Variants in BLVRA observed in about 807,000 individuals in gnomAD.
BLVRA encodes biliverdin reductase A.
Under a neutral mutation model 32.8 loss-of-function variants are expected in BLVRA, and 22 were observed. That is an observed-to-expected ratio of 0.67 (90% CI 0.48 to 0.96). The LOEUF is 0.96. Among genes scored for constraint, BLVRA ranks in the 40% least tolerant of loss-of-function variants. The pLI is 0.00. For missense variants in BLVRA, 323 were observed against 358.1 expected (o/e 0.90, Z 0.79); for synonymous variants, 119 against 141.3 (o/e 0.84, Z 1.12).
At chr7:43,790,993 G>A (rs1181576) in intron 3 of BLVRA, among the ~76,000 whole-genome samples, 57,760 of 152,012 alleles carry the variant, frequency 0.38, 11,011 homozygotes, top group South Asian at 0.54. Context: ...TTTTGGAGAT[G>A]AAGTAATTCA....
chr7:43,767,197 G>A, intron 1 of BLVRA: 1 of 602,872 alleles, frequency 1.7e-6, no homozygotes, highest in African/African-American at 1.8e-5. Context: ...TGTTCTGTAG[G>A]CCACTTTTAT....
At chr7:43,775,532 T>C (rs1325305374) in intron 2 of BLVRA, among the ~76,000 whole-genome samples, 1 of 152,200 alleles carries the variant, frequency 6.6e-6, no homozygotes, top group Non-Finnish European at 1.5e-5. Context: ...TGCTGCTGGA[T>C]TTGGTTTGCC....
intron 3 of BLVRA, among the ~76,000 whole-genome samples, chr7:43,789,387 T>A (rs1296466312): frequency 6.6e-6 from 1 of 152,220 alleles, no homozygotes; most frequent in African/African-American, 2.4e-5. Flanking sequence ...AAAATGGGCT[T>A]GGAAGCACCA....
chr7:43,774,460 A>G (rs994450960), intron 2 of BLVRA, among the ~76,000 whole-genome samples: 27 of 152,166 alleles, frequency 1.8e-4, no homozygotes, highest in African/African-American at 4.3e-4. Flanking sequence ...GATATGCGGC[A>G]TTATTTCTGA....
Position 43,791,281 on chromosome 7 carries a change from A to G in BLVRA, c.167A>G (p.Gln56Arg), listed in dbSNP as rs1050916. The G allele has an allele frequency of 0.01, 16,927 of 1,614,204 alleles. 121 individuals carry two copies. Among genetic ancestry groups the G allele is most frequent in the Non-Finnish European group, 0.012 (13,781 of 1,180,022 alleles). The change falls in exon 4 of 8, where the codon CAG (glutamine) becomes CGG (arginine). Residue 56 changes from glutamine (Q) to arginine (R), a missense_variant. Coordinates refer to ENST00000265523, the MANE Select transcript of BLVRA (RefSeq NM_000712.4). ...CTCGGGAGCATTGATGGAGTCCAGC[A>G]GATTTCTTTGGAGGATGCTCTTTCC... The part of the protein sequence containing the change: ...RELGSIDGVQ[Q>R]ISLEDALSSQ...
At position 43,803,719 on chromosome 7, in the gene BLVRA, C is replaced by T. The variant is rs146563888; in HGVS notation, c.504C>T (p.Ser168=). The part of the protein sequence containing the change: ...EEERFGFPAF[S]GISRLTWLVS... ...AGCGGTTTGGCTTCCCTGCATTCAGCGGCATCTCTCGCCTGACCTGGCTGG... is the reference window on the plus strand; with the variant it reads ...AGCGGTTTGGCTTCCCTGCATTCAGTGGCATCTCTCGCCTGACCTGGCTGG... The change falls in exon 7 of 8, where the codon AGC becomes AGT. Residue 168 remains serine, a synonymous_variant. Transcript: ENST00000265523. 2.4e-5 allele frequency: 38 copies of T among 1,613,848 alleles called. No homozygotes were observed. The highest frequency in any genetic ancestry group is 2.8e-5 in the Non-Finnish European group (33 of 1,179,972).
chr7:43,767,666 T>A (rs2095749718), intron 1 of BLVRA: 3 of 640,966 alleles, frequency 4.7e-6, no homozygotes, highest in Non-Finnish European at 8.2e-6. Flanking sequence ...AGGGGGGACA[T>A]CTGATTTGAA....
intron 6 of BLVRA, among the ~76,000 whole-genome samples, chr7:43,802,817 A>T (rs1168183367): frequency 2.0e-5 from 3 of 152,098 alleles, no homozygotes; most frequent in African/African-American, 7.2e-5. Flanking sequence ...GGCTTACTGC[A>T]ACCTCTGCCT....
intron 4 of BLVRA, chr7:43,791,837 T>C (rs2095786443): frequency 5.6e-6 from 1 of 178,918 alleles, no homozygotes; most frequent in Admixed American, 5.5e-5. Context: ...ACCTGGCAGC[T>C]AACAGGGAAG....
chr7:43,767,413 A>G, intron 1 of BLVRA: 1 of 1,594,368 alleles, frequency 6.3e-7, no homozygotes, highest in Non-Finnish European at 8.6e-7. Flanking sequence ...CACTGTTCCT[A>G]TCGGGTTATT....
chr7:43,791,559 T>G, intron 4 of BLVRA, 191 bp downstream of exon 4: 1 of 604,352 alleles, frequency 1.7e-6, no homozygotes, highest in Middle Eastern at 2.6e-4. Flanking sequence ...TATAAGGAAG[T>G]GAAAAATAGT....
intron 7 of BLVRA, among the ~76,000 whole-genome samples, chr7:43,804,608 C>T (rs1386189453): frequency 6.6e-6 from 1 of 152,188 alleles, no homozygotes; most frequent in Non-Finnish European, 1.5e-5. Flanking sequence ...ATGTTCCCCG[C>T]AGGGCCACAC....
chr7:43,803,525 C>A, intron 6 of BLVRA, 151 bp from the exon 7 acceptor site: 1 of 817,522 alleles, frequency 1.2e-6, no homozygotes, highest in Non-Finnish European at 2.1e-6. Context: ...TATCATTAAT[C>A]ACGTTGCCTG....
intron 5 of BLVRA, among the ~76,000 whole-genome samples, chr7:43,793,743 C>T (rs984726614): frequency 6.6e-6 from 1 of 151,668 alleles, no homozygotes; most frequent in African/African-American, 2.4e-5. Context: ...CCTTCCTCAG[C>T]CTCCTGAGTA....
intron 7 of BLVRA, 140 bp downstream of exon 7, chr7:43,803,987 C>T (rs2095801558): frequency 1.0e-6 from 1 of 957,746 alleles, no homozygotes; most frequent in East Asian, 2.6e-5. Flanking sequence ...AGATGGAGTG[C>T]TGAGATTGCA....
chr7:43,806,709 C>T (rs562044700), intron 7 of BLVRA, among the ~76,000 whole-genome samples: 98 of 152,266 alleles, frequency 6.4e-4, no homozygotes, highest in African/African-American at 2.2e-3. Context: ...GATTGCACCA[C>T]TGCACTCCAG....
In BLVRA at chr7:43,788,042, T is replaced by C. The variant is rs2095780304; in HGVS notation, c.134+17T>C. 2 of 1,614,212 alleles carry C rather than the reference T, an allele frequency of 1.2e-6. No individual in the cohort carries two copies. Among genetic ancestry groups the C allele is most frequent in the Non-Finnish European group, 1.7e-6 (2 of 1,180,028 alleles). On this transcript the variant is annotated intron_variant, in intron 3 of 7. Transcript: ENST00000265523. ...CGTGTCGAGGTGGCTCACAATGTCT[T>C]TGTGCTTCATAATTCATGGAAAGCC...
chr7:43,765,588 G>A (rs1349575042), intron 1 of BLVRA, among the ~76,000 whole-genome samples: 2 of 152,082 alleles, frequency 1.3e-5, no homozygotes, highest in East Asian at 3.9e-4. Context: ...TCTTAGAAAG[G>A]CATACCATGT....
intron 4 of BLVRA, 61 bp downstream of exon 4, chr7:43,791,429 C>T (rs2095786027): frequency 1.9e-6 from 3 of 1,596,098 alleles, no homozygotes; most frequent in Admixed American, 3.3e-5. Context: ...CAAAAATGAG[C>T]AAGCAAGCTA....
Sources: gnomAD v4.1 joint callset for allele counts (sites outside exome capture counted in the v4.1 genomes callset) on GRCh38, gnomAD v4.1.1 for gene constraint, MANE v1.5 for transcripts, NCBI Gene and HGNC (gene_info 2026-07-23, HGNC 2026-07-21) for gene names.